NR3C2: variants seen among roughly 807,000 people sequenced by gnomAD.
The protein encoded by NR3C2 is mineralocorticoid receptor.
A neutral mutation model predicts 86.4 loss-of-function variants in NR3C2; 15 were observed. That is an observed-to-expected ratio of 0.17 (90% CI 0.12 to 0.27). NR3C2 has a LOEUF of 0.27. Ranked by LOEUF, NR3C2 falls within the 10% of genes least tolerant of loss-of-function variation. The pLI, the probability that NR3C2 is intolerant of heterozygous loss-of-function variation, is 1.00. For synonymous variants in NR3C2, 458 were observed against 450.5 expected (o/e 1.02, Z -0.21); for missense variants, 960 against 1,195.6 (o/e 0.80, Z 2.91).
At chr4:148,202,119 T>C (rs1736753063) in intron 3 of NR3C2, among the ~76,000 whole-genome samples, 1 of 152,218 alleles carries the variant, frequency 6.6e-6, no homozygotes, top group Non-Finnish European at 1.5e-5. Context: ...CATAGCCTTT[T>C]ACATATGGGG....
intron 4 of NR3C2, among the ~76,000 whole-genome samples, chr4:148,156,621 G>T (rs1415454552): frequency 1.3e-5 from 2 of 152,170 alleles, no homozygotes; most frequent in Admixed American, 1.3e-4. Context: ...TCTCACACCA[G>T]TTAGAATGGC....
chr4:148,393,017 AAG>A (rs1747670415), intron 2 of NR3C2, among the ~76,000 whole-genome samples: 1 of 152,198 alleles, frequency 6.6e-6, no homozygotes, highest in South Asian at 2.1e-4. Flanking sequence ...AGTTTCCTAC[AAG>A]TGCAAGATCC....
At chr4:148,179,683 G>A (rs923044487) in intron 4 of NR3C2, among the ~76,000 whole-genome samples, 2 of 151,576 alleles carry the variant, frequency 1.3e-5, no homozygotes, top group Admixed American at 6.6e-5. Flanking sequence ...TATATTGAGC[G>A]CAAATTATAA....
chr4:148,396,460 C>T (rs534654855), intron 2 of NR3C2, among the ~76,000 whole-genome samples: 1 of 152,246 alleles, frequency 6.6e-6, no homozygotes, highest in Non-Finnish European at 1.5e-5. Context: ...CTCTTGTTAA[C>T]AAAGACTTTA....
intron 3 of NR3C2, among the ~76,000 whole-genome samples, chr4:148,242,409 A>ATCT (rs770599749): frequency 3.3e-5 from 5 of 152,166 alleles, no homozygotes; most frequent in Non-Finnish European, 5.9e-5. Context: ...TTAATCTAGA[A>ATCT]TCCTATTAAA....
chr4:148,143,121 T>C (rs987768703), intron 6 of NR3C2, among the ~76,000 whole-genome samples: 1 of 152,160 alleles, frequency 6.6e-6, no homozygotes, highest in African/African-American at 2.4e-5. Context: ...CTAATATAGA[T>C]GATCAGGCAA....
chr4:148,100,657 C>T (rs112874824), intron 8 of NR3C2, among the ~76,000 whole-genome samples: 4 of 152,120 alleles, frequency 2.6e-5, no homozygotes, highest in Non-Finnish European at 4.4e-5. Context: ...TGGAAAAGTT[C>T]GGTGTTTCCT....
chr4:148,319,580 A>C (rs576195307), intron 2 of NR3C2, among the ~76,000 whole-genome samples: 7 of 148,984 alleles, frequency 4.7e-5, no homozygotes, highest in Non-Finnish European at 1.0e-4. Context: ...TTCTCCTTGA[A>C]GAGGTCCTTC....
At chr4:148,331,500 C>T (rs1744235003) in intron 2 of NR3C2, among the ~76,000 whole-genome samples, 1 of 152,182 alleles carries the variant, frequency 6.6e-6, no homozygotes, top group Non-Finnish European at 1.5e-5. Flanking sequence ...AGAAAACTTA[C>T]ATATCAGAGG....
chr4:148,343,927 A>T (rs1397078995), intron 2 of NR3C2, among the ~76,000 whole-genome samples: 8 of 152,168 alleles, frequency 5.3e-5, no homozygotes. Flanking sequence ...TTCTGAGGCC[A>T]GTTGTATTAC....
intron 3 of NR3C2, among the ~76,000 whole-genome samples, chr4:148,232,178 C>A (rs1310814204): frequency 6.6e-6 from 1 of 152,162 alleles, no homozygotes; most frequent in Non-Finnish European, 1.5e-5. Context: ...ATGGTGAATT[C>A]TTTACAGAAA....
intron 2 of NR3C2, among the ~76,000 whole-genome samples, chr4:148,322,040 T>C (rs923456645): frequency 9.5e-4 from 145 of 152,122 alleles, no homozygotes; most frequent in African/African-American, 3.4e-3. Context: ...CCATGTTTAG[T>C]GCTTCCTTCA....
chr4:148,373,701 C>T (rs1188715210), intron 2 of NR3C2, among the ~76,000 whole-genome samples: 2 of 152,010 alleles, frequency 1.3e-5, no homozygotes, highest in Non-Finnish European at 2.9e-5. Flanking sequence ...TGGTCTCCAT[C>T]TCCCGACCTT....
At chr4:148,279,435 G>C (rs186663804) in intron 2 of NR3C2, among the ~76,000 whole-genome samples, 227 of 152,262 alleles carry the variant, frequency 1.5e-3, no homozygotes, top group Middle Eastern at 3.4e-3. Flanking sequence ...GATAACTATC[G>C]AGAATATGCA....
intron 2 of NR3C2, among the ~76,000 whole-genome samples, chr4:148,318,873 T>C (rs1280069856): frequency 1.9e-4 from 29 of 151,774 alleles, no homozygotes; most frequent in Admixed American, 6.6e-4. Flanking sequence ...AGAAGCTCTT[T>C]AGTTTAATTA....
chr4:148,350,548 G>C (rs1411690134), intron 2 of NR3C2, among the ~76,000 whole-genome samples: 1 of 152,146 alleles, frequency 6.6e-6, no homozygotes, highest in Non-Finnish European at 1.5e-5. Flanking sequence ...TTCAGGTCAT[G>C]ATATTTTTTC....
intron 2 of NR3C2, among the ~76,000 whole-genome samples, chr4:148,366,441 T>TACTTTTTAAAAAGAATACTTTTTA (rs1746122382): frequency 2.8e-4 from 18 of 63,866 alleles, no homozygotes; most frequent in South Asian, 1.4e-3. Context: ...AATACTTTTT[T>TACTTTTTAAAAAGAATACTTTTTA]AAAAGTACTT....
At chr4:148,237,171 T>A (rs2149843370) in intron 3 of NR3C2, among the ~76,000 whole-genome samples, 1 of 152,274 alleles carries the variant, frequency 6.6e-6, no homozygotes, top group Non-Finnish European at 1.5e-5. Context: ...AACTGTGAAA[T>A]TTGGGGGAAA....
intron 4 of NR3C2, among the ~76,000 whole-genome samples, chr4:148,177,542 G>T (rs1735433426): frequency 6.6e-6 from 1 of 152,114 alleles, no homozygotes; most frequent in Non-Finnish European, 1.5e-5. Context: ...ACAATAATCA[G>T]ATCATTAGCC....
Sources: allele counts gnomAD v4.1 joint callset (sites outside exome capture counted in the v4.1 genomes callset), GRCh38; gene constraint gnomAD v4.1.1; transcripts MANE v1.5; gene names NCBI Gene and HGNC (gene_info 2026-07-23, HGNC 2026-07-21).